The following KIF21A variants were observed in gnomAD, a reference collection of about 807,000 sequenced individuals.
The protein encoded by KIF21A is kinesin-like protein KIF21A.
Under a neutral mutation model 202.9 loss-of-function variants are expected in KIF21A, and 114 were observed. The observed-to-expected ratio is 0.56, with a 90% CI of 0.48 to 0.66. KIF21A has a LOEUF of 0.66. Ranked by LOEUF, KIF21A falls within the 30% of genes least tolerant of loss-of-function variation. KIF21A has a pLI of 0.00. For missense variants in KIF21A, 1,677 were observed against 1,994.9 expected, an observed-to-expected ratio of 0.84 and a Z score of 3.04; for synonymous variants, 667 against 670.8, an observed-to-expected ratio of 0.99 and a Z score of 0.09.
chr12:39,367,247 A>G lies in KIF21A; in HGVS notation c.601-83T>C, dbSNP rs1222356616. Reference sequence around the variant, plus strand: ...TCCAAAGTCTGAGGTAATGGCTAAAACCCACCATGTTAAGGGATATAAAAG... The same window carrying G: ...TCCAAAGTCTGAGGTAATGGCTAAAGCCCACCATGTTAAGGGATATAAAAG... On this transcript the variant is annotated intron_variant, in intron 4 of 37. Coordinates refer to ENST00000361418, the MANE Select transcript of KIF21A (RefSeq NM_001173464.2). The G allele has an allele frequency of 7.0e-6, 10 of 1,424,554 alleles. No homozygotes were observed. The African/African-American group carries it at 1.4e-4, about 20-fold the overall frequency. 88.2% of individuals were successfully genotyped at this position (1,424,554 alleles called of 1,614,324 possible).
rs77465314 is a variant in KIF21A at position 39,315,732 on chromosome 12, C to CA, written c.3947+199dup. 8.4e-4 allele frequency: 528 copies of CA among 629,202 alleles called. 2 individuals carry two copies. The highest frequency in any genetic ancestry group is 7.8e-3 in the African/African-American group (417 of 53,644). 39.0% of individuals were successfully genotyped at this position (629,202 alleles called of 1,614,324 possible). The stretch of plus-strand genomic sequence containing the variant: ...GTATCACAATTTTTAAACTATTATA[C>CA]AAAAAAAACCACTACTTTATCTAAA... On this transcript the variant is annotated intron_variant, in intron 30 of 37. Coordinates refer to ENST00000361418, the MANE Select transcript of KIF21A (RefSeq NM_001173464.2).
At chr12:39,332,130 T>C (rs1946558989) in intron 21 of KIF21A, 84 bp downstream of exon 21, 4 of 1,267,446 alleles carry the variant, frequency 3.2e-6, no homozygotes, top group Non-Finnish European at 3.4e-6. Flanking sequence ...AATACCTTCA[T>C]GTAAAAACTG....
chr12:39,326,162 G>T, intron 25 of KIF21A, 102 bp downstream of exon 25: 2 of 923,512 alleles, frequency 2.2e-6, no homozygotes, highest in South Asian at 1.4e-5. Flanking sequence ...TAGGCCATTA[G>T]ATTGAAAATT....
chr12:39,320,708 G>A (rs1230730291), intron 27 of KIF21A, among the ~76,000 whole-genome samples: 1 of 151,604 alleles, frequency 6.6e-6, no homozygotes, highest in Non-Finnish European at 1.5e-5. Context: ...GCTGAGGTGG[G>A]TGGATCACTT....
At chr12:39,304,512 A>G (rs1386582345) in intron 35 of KIF21A, among the ~76,000 whole-genome samples, 4 of 152,210 alleles carry the variant, frequency 2.6e-5, no homozygotes, top group Non-Finnish European at 4.4e-5. Context: ...TGTTAATTTC[A>G]TAAAATTCTG....
intron 1 of KIF21A, among the ~76,000 whole-genome samples, chr12:39,421,862 TA>T (rs1206353086): frequency 6.8e-6 from 1 of 147,704 alleles, no homozygotes; most frequent in Non-Finnish European, 1.5e-5. Flanking sequence ...TTTATATATA[TA>T]AATAATAAAC....
At chr12:39,360,803 C>T (rs990445207) in intron 7 of KIF21A, among the ~76,000 whole-genome samples, 1 of 152,078 alleles carries the variant, frequency 6.6e-6, no homozygotes, top group Non-Finnish European at 1.5e-5. Flanking sequence ...AAAACCAGCT[C>T]GAATTTTTTA....
intron 7 of KIF21A, among the ~76,000 whole-genome samples, chr12:39,358,602 A>G (rs893316852): frequency 2.0e-5 from 3 of 152,244 alleles, no homozygotes; most frequent in African/African-American, 7.2e-5. Context: ...GTATAAGCAC[A>G]TACATTTATT....
At position 39,358,282 on chromosome 12, in the gene KIF21A, T is replaced by C. The variant is rs761132468; in HGVS notation, c.1111A>G (p.Ile371Val). The stretch of plus-strand genomic sequence containing the variant: ...TGATTGACCATCACCTTATTCTTGA[T>C]ATTTCTAGCTCGATTGGCGTATTTC... Reference protein sequence around the residue: ...TLKYANRARNIKNKVMVNQDR... With the variant: ...TLKYANRARNVKNKVMVNQDR... Residue 371 changes from isoleucine to valine, a missense_variant, in exon 8 of 38, where the codon ATC (isoleucine) becomes GTC (valine). Transcript: ENST00000361418. 1.2e-6 allele frequency: 2 copies of C among 1,614,126 alleles called. No individual in the cohort carries two copies. Among genetic ancestry groups the C allele is most frequent in the Non-Finnish European group, 8.5e-7 (1 of 1,180,006 alleles).
intron 1 of KIF21A, among the ~76,000 whole-genome samples, chr12:39,392,182 C>G (rs955358585): frequency 2.0e-5 from 3 of 152,250 alleles, no homozygotes; most frequent in Admixed American, 6.5e-5. Context: ...GAAGAGAGAG[C>G]AACATTAGTT....
intron 11 of KIF21A, among the ~76,000 whole-genome samples, chr12:39,351,407 A>G (rs1948366934): frequency 6.6e-6 from 1 of 152,110 alleles, no homozygotes; most frequent in African/African-American, 2.4e-5. Flanking sequence ...AGACTATTTA[A>G]TTGCATTAGG....
chr12:39,365,694 C>T (rs1949549950), intron 6 of KIF21A, among the ~76,000 whole-genome samples: 1 of 152,220 alleles, frequency 6.6e-6, no homozygotes, highest in Non-Finnish European at 1.5e-5. Flanking sequence ...CTTTGAAGGT[C>T]TTCACCCATG....
chr12:39,374,991 G>C (rs1055880836), intron 1 of KIF21A, among the ~76,000 whole-genome samples: 2 of 152,036 alleles, frequency 1.3e-5, no homozygotes, highest in African/African-American at 4.8e-5. Context: ...ATGATACTGT[G>C]GACATAGGGC....
At position 39,340,797 on chromosome 12, in the gene KIF21A, C is replaced by G; in HGVS notation, c.2110+109G>C. On this transcript the variant is annotated intron_variant, in intron 15 of 37. Transcript: ENST00000361418. ...TTGCAAAAACAAAACAAATAAATAA[C>G]AAAAAAGGGTTTAATACGGCTTCTA... The G allele has an allele frequency of 5.2e-6, 4 of 775,180 alleles. No individual in the cohort carries two copies. The South Asian group carries it at 7.0e-5, about 14-fold the overall frequency. 48.0% of individuals were successfully genotyped at this position (775,180 alleles called of 1,614,324 possible).
chr12:39,324,386 C>T (rs1056371200), intron 26 of KIF21A, among the ~76,000 whole-genome samples: 18 of 152,110 alleles, frequency 1.2e-4, no homozygotes, highest in Admixed American at 6.5e-5. Flanking sequence ...TTTCTCAGAG[C>T]CTGAAAGATC....
chr12:39,337,200 G>T lies in KIF21A; in HGVS notation c.2314C>A (p.Arg772Ser). ...TCTTCTTTCATTTGTTTCATTAGGC[G>T]AACCTAACCAATTAGGTATAGACAT... ...DVMEMKKTKV[R>S]LMKQMKEEQE... Residue 772 changes from arginine (R) to serine (S), a missense_variant, in exon 17 of 38, where the codon CGC becomes AGC. Around this residue, in one of 3 missense-constraint regions of KIF21A, gnomAD observed 966 missense variants for 1,180.9 expected, o/e 0.82. Transcript: ENST00000361418. The T allele has an allele frequency of 6.3e-7, 1 of 1,596,084 alleles. No homozygotes were observed. Among genetic ancestry groups the T allele is most frequent in the African/African-American group, 1.3e-5 (1 of 74,614 alleles).
At chr12:39,317,057 A>ATG in intron 29 of KIF21A, among the ~76,000 whole-genome samples, 1 of 152,306 alleles carries the variant, frequency 6.6e-6, no homozygotes, top group South Asian at 2.1e-4. Context: ...TAATTTGACA[A>ATG]TGTTAAAGAG....
At chr12:39,344,180 T>C (rs543014166) in intron 12 of KIF21A, among the ~76,000 whole-genome samples, 1 of 152,310 alleles carries the variant, frequency 6.6e-6, no homozygotes, top group South Asian at 2.1e-4. Flanking sequence ...TTATGTGATA[T>C]ACTGAATGTC....
Position 39,307,587 on chromosome 12 carries a change from C to T in KIF21A, c.4420G>A (p.Val1474Ile), listed in dbSNP as rs149234238. The T allele has an allele frequency of 5.0e-6, 8 of 1,613,986 alleles. No individual in the cohort carries two copies. In the African/African-American group the frequency reaches 1.1e-4, roughly 22 times the overall value. The change falls in exon 34 of 38, where the codon GTC (valine) becomes ATC (isoleucine). Residue 1474 changes from valine (V) to isoleucine (I), a missense_variant. Physicochemically the swap from Val to Ile is conservative, Grantham distance 29. Coordinates refer to ENST00000361418, the MANE Select transcript of KIF21A (RefSeq NM_001173464.2). ...TACCTTTTAAGATCCCACATCCTGA[C>T]AGCATTTCCAGAAGCAGCATAGAGG... ...TFLYAASGNA[V>I]RMWDLKRFQS...
Sources: allele counts gnomAD v4.1 joint callset (sites outside exome capture counted in the v4.1 genomes callset), GRCh38; gene constraint gnomAD v4.1.1; regional missense constraint gnomAD v4.1.1; transcripts MANE v1.5; gene names NCBI Gene and HGNC (gene_info 2026-07-23, HGNC 2026-07-21).